The following SH3BP4 variants were observed in gnomAD, a reference collection of about 807,000 sequenced individuals.
SH3BP4 encodes SH3 domain binding protein 4, also known as SH3 domain-binding protein 4.
SH3BP4 carries 33 observed loss-of-function variants against 65.5 expected under a neutral mutation model. That is an observed-to-expected ratio of 0.50 (90% CI 0.38 to 0.67). SH3BP4 has a LOEUF of 0.67. Ranked by LOEUF, SH3BP4 falls within the 30% of genes least tolerant of loss-of-function variation. The pLI is 0.00. For missense variants in SH3BP4, 1,134 were observed against 1,261.4 expected, an observed-to-expected ratio of 0.90 and a Z score of 1.53; for synonymous variants, 552 against 545.5, an observed-to-expected ratio of 1.01 and a Z score of -0.17.
intron 2 of SH3BP4, among the ~76,000 whole-genome samples, chr2:234,998,071 T>C (rs527318611): frequency 3.7e-4 from 56 of 151,940 alleles, no homozygotes; most frequent in Non-Finnish European, 3.5e-4. Context: ...TGCAGTGAGC[T>C]GAGATTGCAC....
chr2:234,955,902 T>TA (rs1445691630), intron 1 of SH3BP4, among the ~76,000 whole-genome samples: 1 of 152,204 alleles, frequency 6.6e-6, no homozygotes, highest in African/African-American at 2.4e-5. Flanking sequence ...TAGACTTTAA[T>TA]GAGTGCTTGA....
At chr2:235,018,073 G>A (rs889180897) in intron 2 of SH3BP4, among the ~76,000 whole-genome samples, 1 of 152,184 alleles carries the variant, frequency 6.6e-6, no homozygotes, top group Non-Finnish European at 1.5e-5. Flanking sequence ...AGAGCTTACA[G>A]GGTCTTGGAT....
intron 1 of SH3BP4, among the ~76,000 whole-genome samples, chr2:234,958,157 A>G (rs1384137652): frequency 6.6e-6 from 1 of 152,104 alleles, no homozygotes; most frequent in Non-Finnish European, 1.5e-5. Flanking sequence ...CACCCAGATG[A>G]AGGAAAGAGA....
intron 1 of SH3BP4, among the ~76,000 whole-genome samples, chr2:234,992,927 A>G (rs1480563704): frequency 6.7e-6 from 1 of 150,036 alleles, no homozygotes; most frequent in Non-Finnish European, 1.5e-5. Flanking sequence ...CTGGAGATGG[A>G]CACATTCCTG....
At chr2:234,964,074 C>A (rs1287311453) in intron 1 of SH3BP4, among the ~76,000 whole-genome samples, 1 of 152,190 alleles carries the variant, frequency 6.6e-6, no homozygotes, top group Non-Finnish European at 1.5e-5. Context: ...CTCCTCAGGT[C>A]TTGGCACCGC....
chr2:234,960,289 TCC>T (rs1692677638), intron 1 of SH3BP4, among the ~76,000 whole-genome samples: 1 of 152,224 alleles, frequency 6.6e-6, no homozygotes, highest in African/African-American at 2.4e-5. Context: ...GTCCCAAATA[TCC>T]CCTCTAGCAA....
chr2:234,964,658 G>C (rs1366685190), intron 1 of SH3BP4, among the ~76,000 whole-genome samples: 1 of 152,120 alleles, frequency 6.6e-6, no homozygotes, highest in Non-Finnish European at 1.5e-5. Context: ...TTCTGGGCAG[G>C]GTGGCTTGGT....
intron 2 of SH3BP4, among the ~76,000 whole-genome samples, chr2:235,027,793 A>G (rs1695048998): frequency 6.6e-6 from 1 of 152,208 alleles, no homozygotes; most frequent in Admixed American, 6.5e-5. Flanking sequence ...GAACGTGAAC[A>G]GTCTGTGCGC....
At chr2:234,980,900 GTTTT>G (rs961398742) in intron 1 of SH3BP4, among the ~76,000 whole-genome samples, 2 of 152,018 alleles carry the variant, frequency 1.3e-5, no homozygotes, top group Non-Finnish European at 2.9e-5. Flanking sequence ...TTTCGTTTTT[GTTTT>G]TTTGAGACAG....
rs1693957574 is a variant in SH3BP4, at chr2:234,997,432, A to G, written c.-133+2056A>G. ...TTAACCTGATCCTGCTCCCACTGTC[A>G]TCACCATCAGAGGTAGTTTATCCTG... is the stretch of plus-strand genomic sequence containing the variant. On this transcript the variant is annotated intron_variant, in intron 2 of 5. Transcript: ENST00000392011. The surrounding 1 kb of genome is among the most constrained non-coding windows in gnomAD (Gnocchi z 4.2). Among the ~76,000 whole-genome samples the G allele has an allele frequency of 6.6e-6, 1 of 152,182 alleles. No homozygotes were observed. Among genetic ancestry groups the G allele is most frequent in the South Asian group, 2.1e-4 (1 of 4,828 alleles).
At chr2:235,018,791 C>A (rs142620227) in intron 2 of SH3BP4, among the ~76,000 whole-genome samples, 2 of 152,080 alleles carry the variant, frequency 1.3e-5, no homozygotes, top group African/African-American at 2.4e-5. Flanking sequence ...CATCTGGGAA[C>A]GGAGTTTGTT....
intron 1 of SH3BP4, among the ~76,000 whole-genome samples, chr2:234,962,549 TA>T (rs1429393641): frequency 2.0e-5 from 3 of 152,138 alleles, no homozygotes; most frequent in African/African-American, 7.2e-5. Context: ...CTAGAAAATG[TA>T]AAAAGAAAAA....
At chr2:235,005,319 C>T (rs1415899282) in intron 2 of SH3BP4, among the ~76,000 whole-genome samples, 1 of 152,036 alleles carries the variant, frequency 6.6e-6, no homozygotes, top group Non-Finnish European at 1.5e-5. Context: ...TGACTTCTGG[C>T]TTGCGGTGGA....
At chr2:234,970,004 GTC>G (rs768321122) in intron 1 of SH3BP4, among the ~76,000 whole-genome samples, 23 of 143,830 alleles carry the variant, frequency 1.6e-4, no homozygotes, top group Non-Finnish European at 2.0e-4. Flanking sequence ...CACACTCGCT[GTC>G]TCACACACAC....
chr2:235,028,574 G>A (rs748498567), intron 2 of SH3BP4, among the ~76,000 whole-genome samples: 4 of 152,132 alleles, frequency 2.6e-5, no homozygotes, highest in Non-Finnish European at 4.4e-5. Flanking sequence ...TCATTCATTC[G>A]GGTTTGAGAG....
intron 1 of SH3BP4, among the ~76,000 whole-genome samples, chr2:234,954,441 TG>T (rs1338344759): frequency 6.8e-4 from 104 of 152,292 alleles, no homozygotes; most frequent in Non-Finnish European, 1.8e-4. Flanking sequence ...TCTGTCTAGT[TG>T]CAGATCACAG....
At chr2:235,025,038 T>G (rs933841511) in intron 2 of SH3BP4, among the ~76,000 whole-genome samples, 2 of 152,120 alleles carry the variant, frequency 1.3e-5, no homozygotes, top group Non-Finnish European at 2.9e-5. Context: ...TTGGAAGTAT[T>G]TCTGGTCTGG....
chr2:235,011,233 AC>A (rs1381219922), intron 2 of SH3BP4, among the ~76,000 whole-genome samples: 1 of 147,794 alleles, frequency 6.8e-6, no homozygotes, highest in Non-Finnish European at 1.5e-5. Flanking sequence ...TCCTAGGAGA[AC>A]CCTTCCTCTC....
rs201068354 is a variant in SH3BP4 at position 235,042,481 on chromosome 2, G to C, written c.1712G>C (p.Arg571Pro). ...CAGCTGAAGCTGGGCAAGGTGAGCCGCCTGATCTTCCCCATCACCTCCCAG... is the reference window on the plus strand; with the variant it reads ...CAGCTGAAGCTGGGCAAGGTGAGCCCCCTGATCTTCCCCATCACCTCCCAG... ...GFQLKLGKVSRLIFPITSQNP... is the reference protein window; with the variant it reads ...GFQLKLGKVSPLIFPITSQNP... Residue 571 changes from arginine (R) to proline (P), a missense_variant, in exon 4 of 6, where the codon CGC becomes CCC. By Grantham distance (103) the Arg-to-Pro change is moderately radical. Coordinates refer to ENST00000392011, the MANE Select transcript of SH3BP4 (RefSeq NM_014521.3). This position sits in a 1 kb window ranked among gnomAD's most constrained non-coding sequence, Gnocchi z 7.3. 6.2e-7 allele frequency: 1 copy of C among 1,614,158 alleles called. No individual in the cohort carries two copies. The highest frequency in any genetic ancestry group is 2.2e-5 in the East Asian group (1 of 44,868).
Sources: allele counts gnomAD v4.1 joint callset (sites outside exome capture counted in the v4.1 genomes callset), GRCh38; gene constraint gnomAD v4.1.1; non-coding constraint Gnocchi (gnomAD v3.1); transcripts MANE v1.5; gene names NCBI Gene and HGNC (gene_info 2026-07-23, HGNC 2026-07-21).